RANBP2: variants seen among roughly 807,000 people sequenced by gnomAD.
RANBP2 encodes E3 SUMO-protein ligase RanBP2.
A neutral mutation model predicts 303.6 loss-of-function variants in RANBP2; 57 were observed. That is an observed-to-expected ratio of 0.19 (90% confidence interval 0.15 to 0.23). The LOEUF is 0.23. Among genes scored for constraint, RANBP2 ranks in the 10% least tolerant of loss-of-function variants. The probability of loss-of-function intolerance (pLI) is 1.00; values close to 1 mark genes in which losing one functional copy is unlikely to be tolerated. For missense variants in RANBP2, 3,138 were observed against 3,780.8 expected (o/e 0.83, Z 4.46); for synonymous variants, 1,167 against 1,301.5 (o/e 0.90, Z 2.23).
chr2:109,260,452 G>A, the RANBP2 span, among the ~76,000 whole-genome samples: 26 of 152,218 alleles, frequency 1.7e-4, no homozygotes, highest in Admixed American at 1.5e-3. Flanking sequence ...GGTGGAGAAA[G>A]CATCTGCCTC....
intron 17 of RANBP2, among the ~76,000 whole-genome samples, chr2:108,757,223 T>C (rs1429176158): frequency 6.6e-6 from 1 of 152,230 alleles, no homozygotes; most frequent in East Asian, 1.9e-4. Flanking sequence ...GTGTCTGTTT[T>C]GTAAGGGGAC....
At chr2:109,402,587 G>T in the RANBP2 span, among the ~76,000 whole-genome samples, 1 of 152,228 alleles carries the variant, frequency 6.6e-6, no homozygotes, top group African/African-American at 2.4e-5. Context: ...GGCCACTGCA[G>T]CAGCCAGTCC....
intron 1 of RANBP2, 57 bp downstream of exon 1, chr2:108,719,735 C>G: frequency 6.4e-7 from 1 of 1,550,766 alleles, no homozygotes; most frequent in Non-Finnish European, 8.7e-7. Context: ...CGGCCTCGCG[C>G]TGCTCAGGCG....
chr2:109,508,269 T>G, the RANBP2 span, among the ~76,000 whole-genome samples: 1 of 152,132 alleles, frequency 6.6e-6, no homozygotes, highest in Admixed American at 6.5e-5. Flanking sequence ...ACAGGGGACA[T>G]GTATATACTG....
the RANBP2 span, among the ~76,000 whole-genome samples, chr2:109,554,110 C>T: frequency 2.0e-5 from 3 of 152,088 alleles, no homozygotes; most frequent in Non-Finnish European, 4.4e-5. Context: ...GCTATATATA[C>T]ATTTAAGAAA....
chr2:108,720,675 T>C (rs1243537614), intron 1 of RANBP2, among the ~76,000 whole-genome samples: 1 of 152,214 alleles, frequency 6.6e-6, no homozygotes, highest in Non-Finnish European at 1.5e-5. Context: ...GATAGGATGA[T>C]CCATTTTAAA....
chr2:109,361,408 T>C, the RANBP2 span, among the ~76,000 whole-genome samples: 2 of 152,224 alleles, frequency 1.3e-5, no homozygotes, highest in African/African-American at 4.8e-5. Flanking sequence ...TTTATATGTT[T>C]GGTAGAATTC....
the RANBP2 span, among the ~76,000 whole-genome samples, chr2:109,389,194 CTG>C: frequency 6.6e-6 from 1 of 152,254 alleles, no homozygotes; most frequent in Non-Finnish European, 1.5e-5. Flanking sequence ...CCCCAGGTGC[CTG>C]TGGGTTTTGA....
In RANBP2 at chr2:108,758,402, T is replaced by C. The variant is rs80228304; in HGVS notation, c.2467-11T>C. 6.2e-7 allele frequency: 1 copy of C among 1,611,876 alleles called. No homozygotes were observed. Among genetic ancestry groups the C allele is most frequent in the South Asian group, 1.1e-5 (1 of 90,956 alleles). The stretch of plus-strand genomic sequence containing the variant: ...TGTTTAAAATTATTTGATTTTTTTT[T>C]CTTCCAATAGAAAGAAATGCAGGAG... On this transcript the variant is annotated splice_polypyrimidine_tract_variant and intron_variant, in intron 17 of 28. Coordinates refer to ENST00000283195, the MANE Select transcript of RANBP2 (RefSeq NM_006267.5).
chr2:109,607,234 C>T, the RANBP2 span, among the ~76,000 whole-genome samples: 69,340 of 151,926 alleles, frequency 0.46, 16,245 homozygotes, highest in African/African-American at 0.56. Context: ...TGGAGTAAGA[C>T]TACAGTCTCC....
chr2:109,046,313 A>G, the RANBP2 span, among the ~76,000 whole-genome samples: 4 of 150,898 alleles, frequency 2.7e-5, no homozygotes, highest in African/African-American at 7.3e-5. Context: ...AAAAAAAAAA[A>G]AAAGAAAAAA....
chr2:109,373,571 G>T, the RANBP2 span, among the ~76,000 whole-genome samples: 1 of 151,350 alleles, frequency 6.6e-6, no homozygotes, highest in East Asian at 1.9e-4. Flanking sequence ...TGCCGTATGG[G>T]TTTTTTTAGG....
the RANBP2 span, among the ~76,000 whole-genome samples, chr2:109,290,856 T>C: frequency 1.3e-5 from 2 of 152,386 alleles, no homozygotes; most frequent in Non-Finnish European, 2.9e-5. Flanking sequence ...ATTTAAGGCT[T>C]AAATATTATT....
the RANBP2 span, among the ~76,000 whole-genome samples, chr2:109,240,195 C>G: frequency 6.6e-6 from 1 of 152,212 alleles, no homozygotes; most frequent in South Asian, 2.1e-4. Flanking sequence ...CCTCAGTTTT[C>G]TCACATGCAA....
the RANBP2 span, among the ~76,000 whole-genome samples, chr2:109,305,755 T>G: frequency 6.6e-6 from 1 of 152,226 alleles, no homozygotes; most frequent in South Asian, 2.1e-4. Flanking sequence ...CAGTGTTCTC[T>G]GCGGTTCCCT....
intron 1 of RANBP2, among the ~76,000 whole-genome samples, chr2:108,721,477 C>T (rs572129653): frequency 1.3e-5 from 2 of 152,286 alleles, no homozygotes; most frequent in South Asian, 4.1e-4. Context: ...GGGTCTCACT[C>T]TGTCACCCAG....
the RANBP2 span, among the ~76,000 whole-genome samples, chr2:109,181,331 G>A: frequency 6.6e-6 from 1 of 152,174 alleles, no homozygotes; most frequent in African/African-American, 2.4e-5. Flanking sequence ...CAATTAACAT[G>A]GGTACATTAC....
At chr2:109,588,193 A>G in the RANBP2 span, among the ~76,000 whole-genome samples, 1 of 152,208 alleles carries the variant, frequency 6.6e-6, no homozygotes, top group South Asian at 2.1e-4. Context: ...CTTCAGATAA[A>G]CAAAATCTGA....
chr2:109,179,407 G>A, the RANBP2 span, among the ~76,000 whole-genome samples: 2 of 152,140 alleles, frequency 1.3e-5, no homozygotes, highest in African/African-American at 2.4e-5. Context: ...GTGGTGGCTC[G>A]GAGCTGGGGG....
Sources: gnomAD v4.1 joint callset for allele counts (sites outside exome capture counted in the v4.1 genomes callset) on GRCh38, gnomAD v4.1.1 for gene constraint, MANE v1.5 for transcripts, NCBI Gene and HGNC (gene_info 2026-07-23, HGNC 2026-07-21) for gene names.